Variants in GNAI1 observed in about 807,000 individuals in gnomAD.
GNAI1 encodes G protein subunit alpha i1.
Under a neutral mutation model 38.9 loss-of-function variants are expected in GNAI1, and 11 were observed. That is an observed-to-expected ratio of 0.28 (90% CI 0.18 to 0.47). The LOEUF is 0.47. Ranked by LOEUF, GNAI1 falls within the 20% of genes least tolerant of loss-of-function variation. GNAI1 has a pLI of 0.99. For missense variants in GNAI1, 317 were observed against 436.9 expected, an observed-to-expected ratio of 0.73 and a Z score of 2.45; for synonymous variants, 166 against 145.1, an observed-to-expected ratio of 1.14 and a Z score of -1.04.
At chr7:80,194,534 A>G (rs1280422031) in intron 3 of GNAI1, among the ~76,000 whole-genome samples, 1 of 152,164 alleles carries the variant, frequency 6.6e-6, no homozygotes, top group African/African-American at 2.4e-5. Context: ...TTTACCAAAT[A>G]TTGATGCTCT....
At chr7:80,188,673 A>G (rs1432976625) in intron 1 of GNAI1, among the ~76,000 whole-genome samples, 4 of 152,326 alleles carry the variant, frequency 2.6e-5, no homozygotes, top group African/African-American at 7.2e-5. Flanking sequence ...TGGCTAGAAC[A>G]GCTGTCATCT....
In GNAI1 at chr7:80,201,617, G is replaced by C. The variant is rs896397422; in HGVS notation, c.462-2087G>C. Among the ~76,000 whole-genome samples the C allele has an allele frequency of 4.7e-4, 71 of 152,082 alleles. 1 individual carries two copies. Among genetic ancestry groups the C allele is most frequent in the Admixed American group, 1.2e-3 (18 of 15,280 alleles). On this transcript the variant is annotated intron_variant, in intron 4 of 7. Transcript: ENST00000649796. ...CCCATCCCTGTAGTCCTAGCTACTTGAGAGGCTGAGTCAGGAGAATCACCC... is the reference window on the plus strand; with the variant it reads ...CCCATCCCTGTAGTCCTAGCTACTTCAGAGGCTGAGTCAGGAGAATCACCC...
In GNAI1 at chr7:80,188,938, T is replaced by G; in HGVS notation, c.119-13T>G. On this transcript the variant is annotated splice_polypyrimidine_tract_variant and intron_variant, in intron 1 of 7. Coordinates refer to ENST00000649796, the MANE Select transcript of GNAI1 (RefSeq NM_002069.6). ...TGATGAAATTAGAAACCTTTTATGTTTTATATTTTTAGGTGCTGGTGAATC... is the reference window on the plus strand; with the variant it reads ...TGATGAAATTAGAAACCTTTTATGTGTTATATTTTTAGGTGCTGGTGAATC... 5 of 1,584,738 alleles carry G rather than the reference T, an allele frequency of 3.2e-6. No individual in the cohort carries two copies. The highest frequency in any genetic ancestry group is 4.3e-6 in the Non-Finnish European group (5 of 1,155,546).
At chr7:80,143,008 T>A (rs563041399) in intron 1 of GNAI1, among the ~76,000 whole-genome samples, 1 of 152,334 alleles carries the variant, frequency 6.6e-6, no homozygotes, top group African/African-American at 2.4e-5. Flanking sequence ...CTCACAACTA[T>A]ATATTTCACA....
chr7:80,137,302 T>TTTCTTTTC (rs200988550), intron 1 of GNAI1, among the ~76,000 whole-genome samples: 1 of 60,340 alleles, frequency 1.7e-5, no homozygotes, highest in African/African-American at 4.2e-5. Flanking sequence ...TCTTTTTTTT[T>TTTCTTTTC]TTTTCTTTTC....
At chr7:80,212,172 A>G (rs1788886667) in intron 6 of GNAI1, among the ~76,000 whole-genome samples, 1 of 152,106 alleles carries the variant, frequency 6.6e-6, no homozygotes, top group Admixed American at 6.6e-5. Context: ...CCACATGTTC[A>G]TTTCTTTCAT....
At chr7:80,153,721 AAAAT>A (rs200330030) in intron 1 of GNAI1, among the ~76,000 whole-genome samples, 1,833 of 152,234 alleles carry the variant, frequency 0.012, 17 homozygotes, top group East Asian at 0.045. Context: ...CAAGAAGGAG[AAAAT>A]AAATTTAGGT....
At chr7:80,154,580 T>G (rs1057049785) in intron 1 of GNAI1, among the ~76,000 whole-genome samples, 1 of 152,170 alleles carries the variant, frequency 6.6e-6, no homozygotes, top group African/African-American at 2.4e-5. Context: ...TCTTCTTACA[T>G]AAACAAGCCT....
intron 1 of GNAI1, among the ~76,000 whole-genome samples, chr7:80,172,284 A>C (rs2115567606): frequency 6.6e-6 from 1 of 152,358 alleles, no homozygotes; most frequent in African/African-American, 2.4e-5. Context: ...TGCATTAAAA[A>C]GTTGTTACAG....
At chr7:80,164,039 CT>C (rs35826632) in intron 1 of GNAI1, among the ~76,000 whole-genome samples, 4,411 of 62,920 alleles carry the variant, frequency 0.07, 79 homozygotes, top group Non-Finnish European at 0.1. Context: ...CTGGTGCTTT[CT>C]TTTTTTTTTT....
intron 3 of GNAI1, among the ~76,000 whole-genome samples, chr7:80,189,581 C>T (rs1788445296): frequency 6.6e-6 from 1 of 152,084 alleles, no homozygotes; most frequent in Non-Finnish European, 1.5e-5. Context: ...AAATCTGTTT[C>T]TGCAATTTGG....
intron 1 of GNAI1, among the ~76,000 whole-genome samples, chr7:80,153,046 A>C (rs1787755952): frequency 6.6e-6 from 1 of 152,220 alleles, no homozygotes; most frequent in South Asian, 2.1e-4. Flanking sequence ...TTTATATTTT[A>C]GAAAGATTTT....
intron 1 of GNAI1, among the ~76,000 whole-genome samples, chr7:80,169,824 C>T (rs1229870212): frequency 6.6e-6 from 1 of 152,160 alleles, no homozygotes; most frequent in Non-Finnish European, 1.5e-5. Flanking sequence ...TTACCAGTCA[C>T]TTCTCATTTC....
At chr7:80,210,908 A>C (rs1788861376) in intron 5 of GNAI1, 61 bp from the exon 6 acceptor site, 15 of 1,487,940 alleles carry the variant, frequency 1.0e-5, no homozygotes, top group Non-Finnish European at 1.3e-5. Context: ...TTAGCATTAA[A>C]GAACTTCTCA....
intron 1 of GNAI1, among the ~76,000 whole-genome samples, chr7:80,147,291 T>A (rs1167917280): frequency 1.3e-5 from 2 of 151,860 alleles, no homozygotes; most frequent in African/African-American, 4.8e-5. Context: ...GTGATAGGGT[T>A]TGGAGATGGG....
chr7:80,222,513 G>A lies in GNAI1; in HGVS notation c.*5020G>A, dbSNP rs766104874. Among the ~76,000 whole-genome samples, 5 of 150,664 alleles carry A rather than the reference G, an allele frequency of 3.3e-5. No individual in the cohort carries two copies. The highest frequency in any genetic ancestry group is 5.9e-5 in the Non-Finnish European group (4 of 67,814). ...AGCAATTCTCCTGCCTCAGGTTCCCGAGTAGCTGGGATTACAGGCATGCGA... is the reference window on the plus strand; with the variant it reads ...AGCAATTCTCCTGCCTCAGGTTCCCAAGTAGCTGGGATTACAGGCATGCGA... On this transcript the variant is annotated 3_prime_UTR_variant, in exon 8 of 8. Coordinates refer to ENST00000649796, the MANE Select transcript of GNAI1 (RefSeq NM_002069.6).
intron 1 of GNAI1, among the ~76,000 whole-genome samples, chr7:80,174,841 C>T (rs1788154559): frequency 6.6e-6 from 1 of 152,062 alleles, no homozygotes; most frequent in African/African-American, 2.4e-5. Context: ...ATTCAGGGAT[C>T]CAAGTACTAG....
At chr7:80,213,412 T>C (rs1226906740) in intron 7 of GNAI1, among the ~76,000 whole-genome samples, 1 of 152,206 alleles carries the variant, frequency 6.6e-6, no homozygotes, top group Non-Finnish European at 1.5e-5. Flanking sequence ...TGATGGAAAA[T>C]TCCCTGGAGT....
Position 80,217,542 on chromosome 7 carries a change from T to C in GNAI1, c.*49T>C, listed in dbSNP as rs941451094. On this transcript the variant is annotated 3_prime_UTR_variant, in exon 8 of 8. Transcript: ENST00000649796. ...CATTTTCAAACCAAATGAGTACTTA[T>C]ATATGGATCTCTGTAGACTAGAGTC... 1.1e-5 allele frequency: 12 copies of C among 1,063,716 alleles called. No homozygotes were observed. The highest frequency in any genetic ancestry group is 4.8e-5 in the East Asian group (2 of 41,248). 65.9% of individuals were successfully genotyped at this position (1,063,716 alleles called of 1,614,324 possible). A position where few individuals can be genotyped will look rare whatever the true frequency, so the allele number is the denominator to read the frequency against.
Sources: gnomAD v4.1 joint callset for allele counts (sites outside exome capture counted in the v4.1 genomes callset) on GRCh38, gnomAD v4.1.1 for gene constraint, MANE v1.5 for transcripts, NCBI Gene and HGNC (gene_info 2026-07-23, HGNC 2026-07-21) for gene names.